CKAP5: variants seen among roughly 807,000 people sequenced by gnomAD.
The protein encoded by CKAP5 is cytoskeleton-associated protein 5.
A neutral mutation model predicts 232.8 loss-of-function variants in CKAP5; 27 were observed. That is an observed-to-expected ratio of 0.12 (90% CI 0.09 to 0.16). The LOEUF (loss-of-function observed/expected upper bound fraction) is 0.16, where lower values mean the gene tolerates loss of function less well. CKAP5 is among the 10% of genes least tolerant of loss of function. CKAP5 has a pLI of 1.00. For synonymous variants in CKAP5, 785 were observed against 841.1 expected (o/e 0.93, Z 1.16); for missense variants, 1,838 against 2,424.7 (o/e 0.76, Z 5.08).
chr11:46,822,820 T>C (rs370526177), intron 1 of CKAP5, among the ~76,000 whole-genome samples: 1 of 151,918 alleles, frequency 6.6e-6, no homozygotes, highest in East Asian at 1.9e-4. Context: ...AGCTCCCTAA[T>C]TCTAGCAAAC....
intron 3 of CKAP5, 103 bp from the exon 4 acceptor site, chr11:46,816,507 C>T (rs1412748079): frequency 7.7e-6 from 6 of 780,198 alleles, no homozygotes; most frequent in Non-Finnish European, 8.5e-6. Context: ...GCTAGAAATA[C>T]AGTAAATGAG....
At chr11:46,833,021 T>C (rs1939828589) in intron 1 of CKAP5, among the ~76,000 whole-genome samples, 1 of 152,110 alleles carries the variant, frequency 6.6e-6, no homozygotes, top group African/African-American at 2.4e-5. Context: ...CAACTGTGCT[T>C]GTCAGATAGT....
chr11:46,845,795 C>T (rs1940174995), intron 1 of CKAP5, among the ~76,000 whole-genome samples: 1 of 152,232 alleles, frequency 6.6e-6, no homozygotes, highest in Admixed American at 6.5e-5. Flanking sequence ...CAAGGCCCTT[C>T]GCAACCACCA....
chr11:46,750,057 C>T (rs1488381080), intron 42 of CKAP5, among the ~76,000 whole-genome samples: 1 of 152,100 alleles, frequency 6.6e-6, no homozygotes, highest in Non-Finnish European at 1.5e-5. Flanking sequence ...GAAGCTGTCT[C>T]AAGGGCAGGG....
At chr11:46,829,224 C>T (rs1368273071) in intron 1 of CKAP5, among the ~76,000 whole-genome samples, 2 of 152,224 alleles carry the variant, frequency 1.3e-5, no homozygotes, top group African/African-American at 4.8e-5. Flanking sequence ...GCAAGACCAA[C>T]CCCTCCTCTT....
Position 46,752,713 on chromosome 11 carries a change from G to A in CKAP5, c.5058-3C>T, listed in dbSNP as rs1206606598. On this transcript the variant is annotated splice_region_variant and splice_polypyrimidine_tract_variant and intron_variant, in intron 37 of 43. Coordinates refer to ENST00000529230, the MANE Select transcript of CKAP5 (RefSeq NM_001008938.4). ...CTTGGAGCAAAACAAGTAGGGCACT[G>A]GAAGAAAAACCCAACACAACAGCAT... 3 of 1,610,666 alleles carry A rather than the reference G, an allele frequency of 1.9e-6. No individual in the cohort carries two copies. Among genetic ancestry groups the A allele is most frequent in the Non-Finnish European group, 2.5e-6 (3 of 1,177,872 alleles).
At chr11:46,822,757 A>G (rs1451862421) in intron 1 of CKAP5, among the ~76,000 whole-genome samples, 20 of 151,624 alleles carry the variant, frequency 1.3e-4, no homozygotes, top group South Asian at 2.1e-4. Context: ...AAAAAAAAAA[A>G]AAAAAAAGAA....
chr11:46,829,898 T>C (rs550178678), intron 1 of CKAP5, among the ~76,000 whole-genome samples: 1 of 151,816 alleles, frequency 6.6e-6, no homozygotes, highest in East Asian at 1.9e-4. Context: ...CACATACACA[T>C]TTACATATGC....
At chr11:46,831,785 G>A (rs2134709244) in intron 1 of CKAP5, among the ~76,000 whole-genome samples, 1 of 151,408 alleles carries the variant, frequency 6.6e-6, no homozygotes, top group South Asian at 2.1e-4. Flanking sequence ...TCCTGCCTCA[G>A]CCTCCCAAAG....
chr11:46,808,233 A>G (rs954141635), intron 7 of CKAP5, 89 bp from the exon 8 acceptor site: 1 of 901,800 alleles, frequency 1.1e-6, no homozygotes, highest in African/African-American at 1.7e-5. Context: ...TCAAAGATAC[A>G]TAATTTTTTT....
Position 46,744,188 on chromosome 11 carries a change from G to A in CKAP5, c.5934C>T (p.Leu1978=). ...CCCGGAGCTGAGAGAGTTTGCTGTG[G>A]AGCATGTCTGTGGAAGAGGCGACAG... ...VPTVASSTDM[L]HSKLSQLRES... is the part of the protein sequence containing the mutation. Residue 1978 remains leucine, a synonymous_variant, in exon 44 of 44, where the codon CTC becomes CTT. Transcript: ENST00000529230. 1 of 1,614,136 alleles carries A rather than the reference G, an allele frequency of 6.2e-7. No homozygotes were observed. Among genetic ancestry groups the A allele is most frequent in the Non-Finnish European group, 8.5e-7 (1 of 1,180,036 alleles).
intron 42 of CKAP5, among the ~76,000 whole-genome samples, chr11:46,747,462 C>T (rs936130426): frequency 5.3e-5 from 8 of 151,384 alleles, no homozygotes; most frequent in Non-Finnish European, 2.9e-5. Context: ...CTTAGCTGGG[C>T]GTGGAGGTGC....
chr11:46,786,647 G>A (rs1407284283), intron 16 of CKAP5, among the ~76,000 whole-genome samples: 1 of 152,190 alleles, frequency 6.6e-6, no homozygotes, highest in Non-Finnish European at 1.5e-5. Flanking sequence ...TATCCACAGA[G>A]GACTTTGAGA....
intron 35 of CKAP5, among the ~76,000 whole-genome samples, chr11:46,757,459 C>T (rs950422021): frequency 1.3e-5 from 2 of 151,724 alleles, no homozygotes; most frequent in Non-Finnish European, 2.9e-5. Flanking sequence ...CCCCACTGCA[C>T]TCCAGACTTG....
intron 1 of CKAP5, among the ~76,000 whole-genome samples, 153 bp from the exon 2 acceptor site, chr11:46,821,421 CTT>C (rs369366613): frequency 6.7e-5 from 7 of 105,200 alleles, no homozygotes; most frequent in African/African-American, 7.5e-5. Context: ...ATTAACAGGA[CTT>C]TTTTTTTTTT....
intron 39 of CKAP5, 31 bp from the exon 40 acceptor site, chr11:46,751,286 C>T: frequency 6.2e-7 from 1 of 1,614,152 alleles, no homozygotes; most frequent in South Asian, 1.1e-5. Flanking sequence ...ACTGATAGCA[C>T]TGCCATTTCC....
chr11:46,808,008 G>T, intron 8 of CKAP5, 23 bp downstream of exon 8: 3 of 1,533,200 alleles, frequency 2.0e-6, no homozygotes, highest in Non-Finnish European at 2.7e-6. Flanking sequence ...TACAATACCA[G>T]TACTGCAAGT....
chr11:46,800,991 T>C lies in CKAP5; in HGVS notation c.1083+209A>G, dbSNP rs73456142. 1.6e-3 allele frequency among the ~76,000 whole-genome samples: 244 copies of C among 152,342 alleles called. 1 individual carries two copies. The highest frequency in any genetic ancestry group is 5.7e-3 in the African/African-American group (235 of 41,578). ...ACTTTAGGCCTAGTGCCTGACTTTC[T>C]ACATAAGGCCTATAAATTTTGTTAC... On this transcript the variant is annotated intron_variant, in intron 9 of 43. Coordinates refer to ENST00000529230, the MANE Select transcript of CKAP5 (RefSeq NM_001008938.4).
In CKAP5 at chr11:46,784,605, A is replaced by G. The variant is rs2065375076; in HGVS notation, c.2037T>C (p.Ala679=). The change falls in exon 17 of 44, where the codon GCT becomes GCC. Residue 679 remains alanine, a synonymous_variant. Transcript: ENST00000529230. ...AQKGNFSKTS[A]QVVLDGLVDK... ...CCACAAGGCCATCTAATACAACCTG[A>G]GCTGACGTTTTGGAAAAATTTCCCT... 1.2e-6 allele frequency: 2 copies of G among 1,614,092 alleles called. No homozygotes were observed. The highest frequency in any genetic ancestry group is 1.1e-5 in the South Asian group (1 of 91,088).
Sources: gnomAD v4.1 joint callset for allele counts (sites outside exome capture counted in the v4.1 genomes callset) on GRCh38, gnomAD v4.1.1 for gene constraint, MANE v1.5 for transcripts, NCBI Gene and HGNC (gene_info 2026-07-23, HGNC 2026-07-21) for gene names.